Variants in KCNB2 observed in about 807,000 individuals in gnomAD.
The protein encoded by KCNB2 is delayed rectifier potassium channel protein.
Under a neutral mutation model 61.5 loss-of-function variants are expected in KCNB2, and 15 were observed. The ratio of observed to expected loss-of-function variants is 0.24; its 90% CI spans 0.16 to 0.38. The LOEUF (loss-of-function observed/expected upper bound fraction) is 0.38, where lower values mean the gene tolerates loss of function less well. KCNB2 is among the 10% of genes least tolerant of loss of function. The pLI, the probability that KCNB2 is intolerant of heterozygous loss-of-function variation, is 1.00. For missense variants in KCNB2, 828 were observed against 1,125.2 expected, an observed-to-expected ratio of 0.74 and a Z score of 3.78; for synonymous variants, 457 against 446.0, an observed-to-expected ratio of 1.02 and a Z score of -0.31.
At chr8:72,549,917 A>T (rs993549457) in intron 1 of KCNB2, among the ~76,000 whole-genome samples, 1 of 152,214 alleles carries the variant, frequency 6.6e-6, no homozygotes, top group Admixed American at 6.5e-5. Context: ...TAAATGTTAG[A>T]TGTCACTGCT....
At chr8:72,553,904 GA>G (rs1275300625) in intron 1 of KCNB2, among the ~76,000 whole-genome samples, 2 of 152,036 alleles carry the variant, frequency 1.3e-5, no homozygotes, top group Non-Finnish European at 2.9e-5. Context: ...TTTGTTGAAT[GA>G]ATTAGCAAAT....
chr8:72,868,626 A>G (rs1233394467), intron 2 of KCNB2, among the ~76,000 whole-genome samples: 2 of 152,008 alleles, frequency 1.3e-5, no homozygotes, highest in Non-Finnish European at 2.9e-5. Context: ...AAAAAACCCA[A>G]AAAAGGACCC....
In KCNB2 at chr8:72,667,006, T is replaced by TGTGAGA. The variant is rs141712140; in HGVS notation, c.579+98694_579+98695insTGAGAG. On this transcript the variant is annotated intron_variant, in intron 2 of 2. Coordinates refer to ENST00000523207, the MANE Select transcript of KCNB2 (RefSeq NM_004770.3). The stretch of plus-strand genomic sequence containing the variant: ...ATAAGTGTGTGTGTGTGTGTGTGTG[T>TGTGAGA]GAGAGAGAGAGAGTGACAGAGAGGG... Among the ~76,000 whole-genome samples, 1,131 of 147,916 alleles carry TGTGAGA rather than the reference T, an allele frequency of 7.6e-3. 15 individuals are homozygous for TGTGAGA. Among genetic ancestry groups the TGTGAGA allele is most frequent in the African/African-American group, 0.027 (1,084 of 39,700 alleles).
chr8:72,766,122 A>T (rs1218363773), intron 2 of KCNB2, among the ~76,000 whole-genome samples: 1 of 152,132 alleles, frequency 6.6e-6, no homozygotes, highest in Non-Finnish European at 1.5e-5. Flanking sequence ...CAAGCTTCCT[A>T]GGGACACCTT....
At chr8:72,662,069 G>C (rs6985096) in intron 2 of KCNB2, among the ~76,000 whole-genome samples, 1 of 152,146 alleles carries the variant, frequency 6.6e-6, no homozygotes, top group Non-Finnish European at 1.5e-5. Context: ...CCAGCATCCA[G>C]TTCTTCATCC....
chr8:72,647,618 G>A lies in KCNB2; in HGVS notation c.579+79305G>A, dbSNP rs187033646. ...ATTCAGTAACCACTGACAGTGGGGG[G>A]CAGAAAGGAGTTCCATTCTGATTTG... On this transcript the variant is annotated intron_variant, in intron 2 of 2. Coordinates refer to ENST00000523207, the MANE Select transcript of KCNB2 (RefSeq NM_004770.3). 1.8e-4 allele frequency among the ~76,000 whole-genome samples: 27 copies of A among 152,258 alleles called. 1 individual carries two copies. The East Asian group carries it at 4.6e-3, about 26-fold the overall frequency.
chr8:72,731,547 G>T (rs771021896), intron 2 of KCNB2, among the ~76,000 whole-genome samples: 4 of 152,214 alleles, frequency 2.6e-5, no homozygotes, highest in Admixed American at 6.5e-5. Context: ...TTTAGGAGCT[G>T]CTTTGGGCAA....
intron 2 of KCNB2, among the ~76,000 whole-genome samples, chr8:72,603,941 A>G (rs1805405564): frequency 6.6e-6 from 1 of 152,120 alleles, no homozygotes; most frequent in Non-Finnish European, 1.5e-5. Flanking sequence ...AGAATATTGG[A>G]GAAAGATATG....
intron 2 of KCNB2, among the ~76,000 whole-genome samples, chr8:72,910,690 G>A (rs1213084409): frequency 6.6e-6 from 1 of 152,176 alleles, no homozygotes; most frequent in Non-Finnish European, 1.5e-5. Flanking sequence ...CCTGAGACAA[G>A]CGTTTCATTA....
At chr8:72,634,145 A>G (rs964845199) in intron 2 of KCNB2, among the ~76,000 whole-genome samples, 6 of 152,228 alleles carry the variant, frequency 3.9e-5, no homozygotes, top group Non-Finnish European at 7.3e-5. Context: ...CAAATGTAAG[A>G]AAACTTGAAG....
intron 2 of KCNB2, among the ~76,000 whole-genome samples, chr8:72,866,949 C>T (rs960320912): frequency 6.6e-6 from 1 of 152,152 alleles, no homozygotes; most frequent in African/African-American, 2.4e-5. Context: ...CTCACAGCAT[C>T]CTACACATCT....
intron 2 of KCNB2, among the ~76,000 whole-genome samples, chr8:72,841,367 T>TC (rs1809881872): frequency 7.2e-5 from 1 of 13,966 alleles, no homozygotes; most frequent in African/African-American, 2.3e-4. Flanking sequence ...TTTTCTTTTT[T>TC]TTTTCTTTTT....
At chr8:72,728,384 A>G (rs1345125051) in intron 2 of KCNB2, among the ~76,000 whole-genome samples, 1 of 152,196 alleles carries the variant, frequency 6.6e-6, no homozygotes, top group East Asian at 1.9e-4. Context: ...ATTCCTGTTA[A>G]TCCTGCTTTC....
chr8:72,609,187 T>C (rs1384266126), intron 2 of KCNB2, among the ~76,000 whole-genome samples: 1 of 152,208 alleles, frequency 6.6e-6, no homozygotes, highest in Non-Finnish European at 1.5e-5. Context: ...TATTCAAAGC[T>C]AGGACCTTGG....
intron 1 of KCNB2, among the ~76,000 whole-genome samples, chr8:72,555,455 T>G (rs1220434618): frequency 6.6e-6 from 1 of 151,894 alleles, no homozygotes; most frequent in African/African-American, 2.4e-5. Context: ...AAATCCAAAT[T>G]GTAAAACCGA....
chr8:72,568,167 A>C lies in KCNB2; in HGVS notation c.433A>C (p.Lys145Gln), dbSNP rs1166353491. Residue 145 changes from lysine to glutamine, a missense_variant, in exon 2 of 3, where the codon AAA becomes CAA. Physicochemically the swap from Lys to Gln is moderately conservative, Grantham distance 53 (BLOSUM62 1). Around this residue, in one of 4 missense-constraint regions of KCNB2, gnomAD observed 163 missense variants for 314.4 expected, o/e 0.52. Coordinates refer to ENST00000523207, the MANE Select transcript of KCNB2 (RefSeq NM_004770.3). ...SCCQARYHQK[K>Q]EQMNEELRRE... Reference sequence around the variant, plus strand: ...CTGCCAGGCCAGATATCATCAAAAAAAAGAACAAATGAACGAAGAACTGAG... The same window carrying C: ...CTGCCAGGCCAGATATCATCAAAAACAAGAACAAATGAACGAAGAACTGAG... The C allele has an allele frequency of 1.9e-6, 3 of 1,614,174 alleles. No homozygotes were observed. In the Admixed American group the frequency reaches 5.0e-5, roughly 27 times the overall value.
chr8:72,805,833 G>A (rs1809210425), intron 2 of KCNB2, among the ~76,000 whole-genome samples: 1 of 152,102 alleles, frequency 6.6e-6, no homozygotes, highest in South Asian at 2.1e-4. Flanking sequence ...TAACCTTTGT[G>A]CAAAAAGAGA....
intron 2 of KCNB2, among the ~76,000 whole-genome samples, chr8:72,916,080 C>T (rs960344386): frequency 2.6e-5 from 4 of 152,106 alleles, no homozygotes; most frequent in African/African-American, 9.7e-5. Flanking sequence ...GAACTGGTCT[C>T]AGGAGACCAT....
intron 2 of KCNB2, among the ~76,000 whole-genome samples, chr8:72,649,221 A>G (rs1402756232): frequency 2.6e-5 from 4 of 152,076 alleles, no homozygotes; most frequent in African/African-American, 9.7e-5. Flanking sequence ...CTTTGGATTT[A>G]TGGATATTGG....
Sources: gnomAD v4.1 joint callset for allele counts (sites outside exome capture counted in the v4.1 genomes callset) on GRCh38, gnomAD v4.1.1 for gene constraint, gnomAD v4.1.1 regional missense constraint, MANE v1.5 for transcripts, NCBI Gene and HGNC (gene_info 2026-07-23, HGNC 2026-07-21) for gene names.